GNAT3: variants seen among roughly 807,000 people sequenced by gnomAD.
The protein encoded by GNAT3 is guanine nucleotide-binding protein G(t) subunit alpha-3.
A neutral mutation model predicts 37.7 loss-of-function variants in GNAT3; 31 were observed. The observed-to-expected ratio is 0.82, with a 90% CI of 0.62 to 1.11. The LOEUF is 1.11. Among genes scored for constraint, GNAT3 ranks in the 50% most tolerant of loss-of-function variants. The pLI, the probability that GNAT3 is intolerant of heterozygous loss-of-function variation, is 0.00. For synonymous variants in GNAT3, 138 were observed against 139.8 expected, an observed-to-expected ratio of 0.99 and a Z score of 0.09; for missense variants, 437 against 412.5, an observed-to-expected ratio of 1.06 and a Z score of -0.51.
At chr7:80,505,117 T>G (rs989872488) in intron 1 of GNAT3, among the ~76,000 whole-genome samples, 1 of 152,062 alleles carries the variant, frequency 6.6e-6, no homozygotes, top group Non-Finnish European at 1.5e-5. Flanking sequence ...GAAAATCAGT[T>G]GGGAGAAGTG....
intron 3 of GNAT3, among the ~76,000 whole-genome samples, chr7:80,479,424 TA>T (rs1172806640): frequency 6.6e-6 from 1 of 151,628 alleles, no homozygotes; most frequent in East Asian, 1.9e-4. Context: ...AAAAGCCAAG[TA>T]AAAATTAGAG....
chr7:80,474,426 A>T, intron 4 of GNAT3, 47 bp from the exon 5 acceptor site: 7 of 823,216 alleles, frequency 8.5e-6, no homozygotes, highest in Non-Finnish European at 1.4e-5. Context: ...ATAATACATA[A>T]ATACATACAT....
chr7:80,462,608 C>T lies in GNAT3; in HGVS notation c.614G>A (p.Arg205Lys). ...HFRMFDVGGQ[R>K]SERKKWIHCF... The stretch of plus-strand genomic sequence containing the variant: ...GTGAATCCACTTCTTTCTCTCAGAT[C>T]TCTGTCCACCTACATCAAACATCCT... The change falls in exon 6 of 8, where the codon AGA becomes AAA. Residue 205 changes from arginine to lysine, a missense_variant. Coordinates refer to ENST00000398291, the MANE Select transcript of GNAT3 (RefSeq NM_001102386.3). 1 of 1,611,204 alleles carries T rather than the reference C, an allele frequency of 6.2e-7. No individual in the cohort carries two copies. The highest frequency in any genetic ancestry group is 2.2e-5 in the East Asian group (1 of 44,838).
At chr7:80,487,904 T>C (rs1790519334) in intron 3 of GNAT3, 1 of 152,168 alleles carries the variant, frequency 6.6e-6, no homozygotes, top group Admixed American at 6.5e-5. Flanking sequence ...CTATAAACTT[T>C]TAAAGTAAGT....
At chr7:80,482,689 A>ATTTTTTTTT (rs71079119) in intron 3 of GNAT3, among the ~76,000 whole-genome samples, 1 of 114,124 alleles carries the variant, frequency 8.8e-6, no homozygotes, top group African/African-American at 3.3e-5. Flanking sequence ...AATTTTTGTA[A>ATTTTTTTTT]TTTTTTTTTT....
intron 1 of GNAT3, among the ~76,000 whole-genome samples, chr7:80,510,683 C>A (rs1244854578): frequency 1.3e-5 from 2 of 152,130 alleles, no homozygotes; most frequent in African/African-American, 2.4e-5. Flanking sequence ...TGTGTGCAGG[C>A]ACAGAACCTG....
intron 5 of GNAT3, among the ~76,000 whole-genome samples, chr7:80,472,379 G>GCAGTGTATAGTGTGTATAGTGA (rs1790235551): frequency 6.6e-6 from 1 of 152,244 alleles, no homozygotes; most frequent in Admixed American, 6.5e-5. Flanking sequence ...TGAGCATGCT[G>GCAGTGTATAGTGTGTATAGTGA]CAGGGTGTAT....
intron 4 of GNAT3, among the ~76,000 whole-genome samples, chr7:80,478,006 G>C (rs1039031665): frequency 1.3e-5 from 2 of 152,162 alleles, no homozygotes; most frequent in African/African-American, 4.8e-5. Context: ...GACCTCCTGC[G>C]CTCAAGCAAT....
intron 5 of GNAT3, among the ~76,000 whole-genome samples, chr7:80,471,288 T>C (rs1790212892): frequency 6.6e-6 from 1 of 151,368 alleles, no homozygotes; most frequent in Non-Finnish European, 1.5e-5. Flanking sequence ...CCCAGCCCAC[T>C]GATTCAAATG....
chr7:80,488,200 T>G (rs1790525001), intron 3 of GNAT3, among the ~76,000 whole-genome samples: 1 of 152,246 alleles, frequency 6.6e-6, no homozygotes, highest in South Asian at 2.1e-4. Flanking sequence ...CTAAAAAAAT[T>G]AATGTAGAGA....
intron 5 of GNAT3, among the ~76,000 whole-genome samples, chr7:80,465,093 T>G (rs1374228862): frequency 6.6e-6 from 1 of 152,110 alleles, no homozygotes; most frequent in Non-Finnish European, 1.5e-5. Flanking sequence ...AACAACATTC[T>G]TACAGAAACA....
chr7:80,487,420 A>G (rs1013839855), intron 3 of GNAT3, among the ~76,000 whole-genome samples: 4 of 152,186 alleles, frequency 2.6e-5, no homozygotes, highest in African/African-American at 7.2e-5. Flanking sequence ...TTTATAAACT[A>G]TCTGCCTGAA....
chr7:80,506,436 A>G (rs1034955364), intron 1 of GNAT3, among the ~76,000 whole-genome samples: 2 of 152,172 alleles, frequency 1.3e-5, no homozygotes, highest in African/African-American at 2.4e-5. Flanking sequence ...TTATTTGTCT[A>G]TGTGCTTTTG....
chr7:80,497,676 A>ACGTATATACATATACG (rs1361283267), intron 1 of GNAT3, among the ~76,000 whole-genome samples: 1 of 95,872 alleles, frequency 1.0e-5, no homozygotes, highest in African/African-American at 9.0e-5. Flanking sequence ...ATATACATAC[A>ACGTATATACATATACG]TATATACACA....
intron 1 of GNAT3, among the ~76,000 whole-genome samples, chr7:80,503,798 T>C (rs1031001300): frequency 2.6e-5 from 4 of 152,212 alleles, no homozygotes. Context: ...TTTATGAATA[T>C]GGGTCAACAA....
chr7:80,498,384 T>C (rs995857341), intron 1 of GNAT3, among the ~76,000 whole-genome samples: 1 of 152,170 alleles, frequency 6.6e-6, no homozygotes, highest in Non-Finnish European at 1.5e-5. Context: ...GTTAATATTT[T>C]CCCTTGAAAG....
chr7:80,504,317 AAAAG>A (rs1209566821), intron 1 of GNAT3, among the ~76,000 whole-genome samples: 1 of 152,254 alleles, frequency 6.6e-6, no homozygotes, highest in East Asian at 1.9e-4. Context: ...TCTTTAAAAA[AAAAG>A]AGAGAGAAAA....
chr7:80,499,378 G>A (rs965003900), intron 1 of GNAT3, among the ~76,000 whole-genome samples: 15 of 152,056 alleles, frequency 9.9e-5, no homozygotes, highest in Admixed American at 9.8e-4. Flanking sequence ...TATGAGAGCG[G>A]TGTACTTTTT....
chr7:80,478,806 T>C (rs1322933794), intron 4 of GNAT3, 35 bp downstream of exon 4: 1 of 1,590,422 alleles, frequency 6.3e-7, no homozygotes, highest in South Asian at 1.1e-5. Context: ...TTTAAATGTT[T>C]TACCTCCAAT....
Sources: gnomAD v4.1 joint callset for allele counts (sites outside exome capture counted in the v4.1 genomes callset) on GRCh38, gnomAD v4.1.1 for gene constraint, MANE v1.5 for transcripts, NCBI Gene and HGNC (gene_info 2026-07-23, HGNC 2026-07-21) for gene names.